CSMD1: variants seen among roughly 807,000 people sequenced by gnomAD.
CSMD1 encodes CUB and sushi domain-containing protein 1.
In CSMD1, 213 loss-of-function variants were observed where a neutral mutation model predicts 417.5. The observed-to-expected ratio is 0.51, with a 90% CI of 0.46 to 0.57. The LOEUF (loss-of-function observed/expected upper bound fraction) is 0.57. Among genes scored for constraint, CSMD1 ranks in the 20% least tolerant of loss-of-function variants. CSMD1 has a pLI of 0.00. For synonymous variants in CSMD1, 2,862 were observed against 1,736.8 expected, an observed-to-expected ratio of 1.65 and a Z score of -16.11; for missense variants, 6,923 against 4,529.7, an observed-to-expected ratio of 1.53 and a Z score of -15.17.
At chr8:4,110,240 C>T (rs1352896589) in intron 3 of CSMD1, among the ~76,000 whole-genome samples, 1 of 152,080 alleles carries the variant, frequency 6.6e-6, no homozygotes, top group East Asian at 1.9e-4. Flanking sequence ...TAAAACAAGA[C>T]TGAAAGCTTG....
chr8:4,032,121 G>A (rs377228579), intron 3 of CSMD1, 22 bp from the exon 4 acceptor site: 6 of 1,558,430 alleles, frequency 3.9e-6, no homozygotes, highest in South Asian at 1.2e-5. Flanking sequence ...AGAAAAGAAA[G>A]GAGAAAAAAC....
Position 4,810,647 on chromosome 8 carries a change from TATTACATAGAAA to T in CSMD1, c.86-173101_86-173090del, listed in dbSNP as rs142408557. Among the ~76,000 whole-genome samples, 648 of 152,346 alleles carry T rather than the reference TATTACATAGAAA, an allele frequency of 4.3e-3. 2 individuals are homozygous for T. Among genetic ancestry groups the T allele is most frequent in the Non-Finnish European group, 7.5e-3 (510 of 68,032 alleles). On this transcript the variant is annotated intron_variant, in intron 1 of 69. Coordinates refer to ENST00000635120, the MANE Select transcript of CSMD1 (RefSeq NM_033225.6). Reference sequence around the variant, plus strand: ...AAAATATGCAGATAATATGATTTTGTATTACATAGAAAATTTCATAGAAACTTTATAATGTTC... The same window carrying T: ...AAAATATGCAGATAATATGATTTTGTATTTCATAGAAACTTTATAATGTTC...
At chr8:4,893,209 G>A (rs904515826) in intron 1 of CSMD1, among the ~76,000 whole-genome samples, 4 of 152,066 alleles carry the variant, frequency 2.6e-5, no homozygotes, top group African/African-American at 9.7e-5. Flanking sequence ...TAAAATAGTT[G>A]TATTGGTATC....
intron 5 of CSMD1, among the ~76,000 whole-genome samples, chr8:3,878,443 C>G (rs1805978574): frequency 6.6e-6 from 1 of 152,112 alleles, no homozygotes; most frequent in Non-Finnish European, 1.5e-5. Context: ...CCAGTCTTGC[C>G]TTTCCAGTGT....
intron 16 of CSMD1, among the ~76,000 whole-genome samples, chr8:3,396,609 A>G (rs541027085): frequency 1.1e-4 from 17 of 152,302 alleles, no homozygotes; most frequent in Admixed American, 9.1e-4. Flanking sequence ...TCTGTCTTAC[A>G]ATATTACAGA....
chr8:4,857,461 A>C (rs1330423677), intron 1 of CSMD1, among the ~76,000 whole-genome samples: 2 of 152,230 alleles, frequency 1.3e-5, no homozygotes, highest in Non-Finnish European at 2.9e-5. Flanking sequence ...CCCTTCAAAA[A>C]ATTAATGAAT....
At chr8:4,049,812 A>T (rs1173955719) in intron 3 of CSMD1, among the ~76,000 whole-genome samples, 4 of 151,700 alleles carry the variant, frequency 2.6e-5, no homozygotes, top group African/African-American at 9.7e-5. Flanking sequence ...CTTTGTATGG[A>T]CATTTCTTAC....
chr8:3,717,324 T>C (rs1461205597), intron 6 of CSMD1, among the ~76,000 whole-genome samples: 1 of 152,254 alleles, frequency 6.6e-6, no homozygotes, highest in African/African-American at 2.4e-5. Flanking sequence ...GTATGTCAGT[T>C]GTTTAAATAT....
intron 7 of CSMD1, among the ~76,000 whole-genome samples, chr8:3,620,850 C>T (rs1254857586): frequency 2.6e-5 from 4 of 152,212 alleles, no homozygotes; most frequent in Admixed American, 6.5e-5. Context: ...ATTGATTTAA[C>T]GCCCTGTTTT....
chr8:3,516,728 G>A (rs74854262), intron 10 of CSMD1, among the ~76,000 whole-genome samples: 1 of 151,908 alleles, frequency 6.6e-6, no homozygotes, highest in Admixed American at 6.6e-5. Context: ...TGATATTTTG[G>A]GGCATGCCTC....
At chr8:4,541,946 G>T (rs1405457377) in intron 2 of CSMD1, among the ~76,000 whole-genome samples, 2 of 152,122 alleles carry the variant, frequency 1.3e-5, no homozygotes, top group African/African-American at 2.4e-5. Context: ...GGCAGGCGAT[G>T]AATTTCCAGA....
rs538894441 is a variant in CSMD1 at position 3,547,770 on chromosome 8, T to A, written c.1344+27175A>T. 1.5e-3 allele frequency among the ~76,000 whole-genome samples: 224 copies of A among 152,350 alleles called. 1 individual carries two copies. Among genetic ancestry groups the A allele is most frequent in the Non-Finnish European group, 2.6e-3 (178 of 68,036 alleles). ...GTTATCTAATAGAAATGTGTTGTGT[T>A]TTTCTTGTTGCTCTTTAAGATTTAT... On this transcript the variant is annotated intron_variant, in intron 10 of 69. Coordinates refer to ENST00000635120, the MANE Select transcript of CSMD1 (RefSeq NM_033225.6).
At chr8:3,224,043 T>C (rs186328629) in intron 27 of CSMD1, among the ~76,000 whole-genome samples, 176 bp from the exon 28 acceptor site, 1 of 152,220 alleles carries the variant, frequency 6.6e-6, no homozygotes, top group Non-Finnish European at 1.5e-5. Flanking sequence ...ACCCAGGAAC[T>C]CTGTACATTT....
At chr8:4,052,508 C>A (rs1443815256) in intron 3 of CSMD1, among the ~76,000 whole-genome samples, 2 of 152,090 alleles carry the variant, frequency 1.3e-5, no homozygotes, top group Admixed American at 6.6e-5. Flanking sequence ...GGGAGATCAG[C>A]ATCTCCAAAT....
intron 26 of CSMD1, among the ~76,000 whole-genome samples, chr8:3,244,094 A>G (rs1264234552): frequency 1.3e-5 from 2 of 152,240 alleles, no homozygotes; most frequent in Non-Finnish European, 2.9e-5. Flanking sequence ...CATCTAGTAC[A>G]CAGATCACAA....
intron 3 of CSMD1, among the ~76,000 whole-genome samples, chr8:4,036,583 AT>A (rs1176093223): frequency 5.9e-5 from 9 of 152,236 alleles, no homozygotes; most frequent in African/African-American, 1.9e-4. Flanking sequence ...TAGGAAAGGT[AT>A]TTTTAATAGG....
intron 3 of CSMD1, among the ~76,000 whole-genome samples, chr8:4,198,486 G>A (rs997049367): frequency 2.6e-5 from 4 of 152,038 alleles, no homozygotes; most frequent in African/African-American, 7.3e-5. Flanking sequence ...GAAATCACTA[G>A]AGGATGAGAA....
At chr8:3,435,617 A>G (rs1394081587) in intron 12 of CSMD1, among the ~76,000 whole-genome samples, 1 of 152,064 alleles carries the variant, frequency 6.6e-6, no homozygotes, top group African/African-American at 2.4e-5. Context: ...AGCGACCTTG[A>G]TGACTATGAG....
chr8:4,838,335 T>C (rs1800624985), intron 1 of CSMD1, among the ~76,000 whole-genome samples: 1 of 152,154 alleles, frequency 6.6e-6, no homozygotes, highest in Admixed American at 6.5e-5. Context: ...ATTAACAGGG[T>C]AGCTTTGCCT....
Sources: gnomAD v4.1 joint callset for allele counts (sites outside exome capture counted in the v4.1 genomes callset) on GRCh38, gnomAD v4.1.1 for gene constraint, MANE v1.5 for transcripts, NCBI Gene and HGNC (gene_info 2026-07-23, HGNC 2026-07-21) for gene names.